PTPRN2: variants seen among roughly 807,000 people sequenced by gnomAD.
PTPRN2 encodes receptor-type tyrosine-protein phosphatase N2.
Under a neutral mutation model 118.8 loss-of-function variants are expected in PTPRN2, and 74 were observed. The observed-to-expected ratio is 0.62, with a 90% CI of 0.52 to 0.76. The LOEUF (loss-of-function observed/expected upper bound fraction) is 0.76, where lower values mean the gene tolerates loss of function less well. Among genes scored for constraint, PTPRN2 ranks in the 30% least tolerant of loss-of-function variants. PTPRN2 has a pLI of 0.00. For synonymous variants in PTPRN2, 641 were observed against 608.0 expected (o/e 1.05, Z -0.80); for missense variants, 1,481 against 1,394.4 (o/e 1.06, Z -0.99).
At chr7:157,960,298 T>C (rs1348785287) in intron 11 of PTPRN2, among the ~76,000 whole-genome samples, 1 of 152,210 alleles carries the variant, frequency 6.6e-6, no homozygotes, top group East Asian at 1.9e-4. Flanking sequence ...TGCCACTGAA[T>C]TGTACAGGTG....
intron 12 of PTPRN2, among the ~76,000 whole-genome samples, chr7:157,809,411 A>AC (rs1448741903): frequency 6.6e-6 from 1 of 152,110 alleles, no homozygotes; most frequent in African/African-American, 2.4e-5. Context: ...GCCCCGCGCC[A>AC]CCCCCGCCGT....
intron 1 of PTPRN2, among the ~76,000 whole-genome samples, chr7:158,578,641 C>A (rs1169822926): frequency 6.6e-6 from 1 of 151,958 alleles, no homozygotes; most frequent in African/African-American, 2.4e-5. Flanking sequence ...GATCCTGTCA[C>A]CCAAACGAGG....
At position 157,723,265 on chromosome 7, in the gene PTPRN2, C is replaced by T. The variant is rs562728931; in HGVS notation, c.1789-40328G>A. On this transcript the variant is annotated intron_variant, in intron 12 of 22. Coordinates refer to ENST00000389418, the MANE Select transcript of PTPRN2 (RefSeq NM_002847.5). ...CCTGGCCTCTGCCCCCACACTCTGG[C>T]ACCAGAATGTCCACGGGGACAGCTC... 5.3e-5 allele frequency among the ~76,000 whole-genome samples: 8 copies of T among 152,306 alleles called. No homozygotes were observed. The East Asian group carries it at 1.5e-3, about 29-fold the overall frequency.
At position 158,587,684 on chromosome 7, in the gene PTPRN2, C is replaced by T. The variant is rs1829063149; in HGVS notation, c.-15G>A. The T allele has an allele frequency of 7.6e-7, 1 of 1,310,488 alleles. No individual in the cohort carries two copies. Among genetic ancestry groups the T allele is most frequent in the Middle Eastern group, 3.0e-4 (1 of 3,354 alleles). The allele number at this position is 1,310,488 out of a possible 1,614,324, so 81.2% of individuals were successfully genotyped here. On this transcript the variant is annotated 5_prime_UTR_variant, in exon 1 of 23. Transcript: ENST00000389418. ...GGCGGCCCCATCCCCGCGGCCTGGCCGGCGGCGCTCAGTCCATGGCCGCGC... is the reference window on the plus strand; with the variant it reads ...GGCGGCCCCATCCCCGCGGCCTGGCTGGCGGCGCTCAGTCCATGGCCGCGC...
intron 1 of PTPRN2, among the ~76,000 whole-genome samples, chr7:158,536,159 T>C (rs1176027344): frequency 2.0e-5 from 3 of 151,818 alleles, no homozygotes; most frequent in Admixed American, 1.3e-4. Flanking sequence ...ATATAAAACA[T>C]GAAAACTAAA....
At chr7:157,580,908 C>T (rs1363050852) in intron 17 of PTPRN2, among the ~76,000 whole-genome samples, 4 of 131,996 alleles carry the variant, frequency 3.0e-5, no homozygotes, top group Non-Finnish European at 6.4e-5. Context: ...ACCTCCACAC[C>T]GTGGCACCTG....
At chr7:158,324,355 A>T (rs4909177) in intron 2 of PTPRN2, among the ~76,000 whole-genome samples, 61,246 of 152,002 alleles carry the variant, frequency 0.4, 12,522 homozygotes, top group Middle Eastern at 0.47. Flanking sequence ...GTATTTTCCC[A>T]TTTGTCTAAA....
rs1798521199 is a variant in PTPRN2, at chr7:157,550,123, GCACACCACATTCCT to G, written c.2903-1118_2903-1105del. ...CTTTCTCTCCGGCCGCAACCTGAGTGCACACCACATTCCTCGCCCAGCGAATCAGGAGAGAAGCT... is the reference window on the plus strand; with the variant it reads ...CTTTCTCTCCGGCCGCAACCTGAGTGCGCCCAGCGAATCAGGAGAGAAGCT... On this transcript the variant is annotated intron_variant, in intron 21 of 22. Transcript: ENST00000389418. This position sits in a 1 kb window ranked among gnomAD's most constrained non-coding sequence, Gnocchi z 5.2. 6.6e-6 allele frequency among the ~76,000 whole-genome samples: 1 copy of G among 152,226 alleles called. No individual in the cohort carries two copies. Among genetic ancestry groups the G allele is most frequent in the African/African-American group, 2.4e-5 (1 of 41,456 alleles).
At chr7:157,545,015 G>T (rs1329050337) in intron 22 of PTPRN2, among the ~76,000 whole-genome samples, 1 of 150,786 alleles carries the variant, frequency 6.6e-6, no homozygotes, top group African/African-American at 2.4e-5. Flanking sequence ...ATGACTGTGT[G>T]TGGGTGTGCA....
At position 158,320,111 on chromosome 7, in the gene PTPRN2, ACACACACACAGCCTCCCT is replaced by A. The variant is rs1245056384; in HGVS notation, c.164-3197_164-3180del. Among the ~76,000 whole-genome samples, 654 of 77,568 alleles carry A rather than the reference ACACACACACAGCCTCCCT, an allele frequency of 8.4e-3. 34 individuals are homozygous for A. Among genetic ancestry groups the A allele is most frequent in the African/African-American group, 0.028 (565 of 20,020 alleles). 50.9% of individuals were successfully genotyped at this position (77,568 alleles called of 152,430 possible). On this transcript the variant is annotated intron_variant, in intron 2 of 22. Coordinates refer to ENST00000389418, the MANE Select transcript of PTPRN2 (RefSeq NM_002847.5). Reference sequence around the variant, plus strand: ...CACACACTCACATAGTCTCCCTCACACACACACACAGCCTCCCTCACACACACAGCCTCCCTTGTACAC... The same window carrying A: ...CACACACTCACATAGTCTCCCTCACACACACACACAGCCTCCCTTGTACAC...
chr7:157,586,679 A>C (rs895548144), intron 17 of PTPRN2, among the ~76,000 whole-genome samples: 1 of 145,400 alleles, frequency 6.9e-6, no homozygotes, highest in African/African-American at 2.6e-5. Flanking sequence ...GCCCCCTGCT[A>C]CTGGACACTG....
intron 9 of PTPRN2, among the ~76,000 whole-genome samples, chr7:158,117,118 G>T (rs939636748): frequency 6.6e-6 from 1 of 152,024 alleles, no homozygotes; most frequent in Non-Finnish European, 1.5e-5. Context: ...AGATGTACTA[G>T]GCAAAGACTT....
chr7:158,188,084 C>G (rs969298884), intron 5 of PTPRN2, among the ~76,000 whole-genome samples: 1 of 151,936 alleles, frequency 6.6e-6, no homozygotes, highest in Admixed American at 6.6e-5. Flanking sequence ...GAGATGAACC[C>G]CCAGTGGCCC....
chr7:158,289,880 T>C (rs1799998943), intron 3 of PTPRN2, among the ~76,000 whole-genome samples: 1 of 152,306 alleles, frequency 6.6e-6, no homozygotes, highest in Non-Finnish European at 1.5e-5. Context: ...GCATGCTCCA[T>C]AGGTAGGCTT....
rs36165367 is a variant in PTPRN2, at chr7:158,151,300, C to G, written c.911-12785G>C. Among the ~76,000 whole-genome samples the G allele has an allele frequency of 8.2e-5, 5 of 60,990 alleles. 2 individuals are homozygous for G. The East Asian group carries it at 1.4e-3, about 17-fold the overall frequency. The allele number at this position is 60,990 out of a possible 152,430, so 40.0% of individuals were successfully genotyped here. On this transcript the variant is annotated intron_variant, in intron 6 of 22. Transcript: ENST00000389418. ...CGCCCGCCTTTCTGCTCCTGCCTCT[C>G]CCTGCCCACACCGCCCACCTTCTAT... is the stretch of plus-strand genomic sequence containing the variant.
At chr7:158,373,411 C>T (rs1019770762) in intron 2 of PTPRN2, among the ~76,000 whole-genome samples, 2 of 152,166 alleles carry the variant, frequency 1.3e-5, no homozygotes, top group Non-Finnish European at 2.9e-5. Context: ...TTCTTAAGCA[C>T]GTTTATCTTC....
At chr7:157,866,482 T>TAC (rs1043978860) in intron 12 of PTPRN2, among the ~76,000 whole-genome samples, 45 of 151,296 alleles carry the variant, frequency 3.0e-4, no homozygotes, top group African/African-American at 7.7e-4. Flanking sequence ...ATCCCTCGTG[T>TAC]ACACACACAC....
chr7:157,757,462 C>G (rs1032610189), intron 12 of PTPRN2, among the ~76,000 whole-genome samples: 1 of 152,118 alleles, frequency 6.6e-6, no homozygotes, highest in Non-Finnish European at 1.5e-5. Context: ...CAAGGAGGAC[C>G]CCGGCAGGCG....
chr7:158,361,525 CA>C (rs1808960701), intron 2 of PTPRN2, among the ~76,000 whole-genome samples: 1 of 152,230 alleles, frequency 6.6e-6, no homozygotes, highest in South Asian at 2.1e-4. Flanking sequence ...CAGAAATCCC[CA>C]CTGCCCAGTT....
Sources: allele counts gnomAD v4.1 joint callset (sites outside exome capture counted in the v4.1 genomes callset), GRCh38; gene constraint gnomAD v4.1.1; non-coding constraint Gnocchi (gnomAD v3.1); transcripts MANE v1.5; gene names NCBI Gene and HGNC (gene_info 2026-07-23, HGNC 2026-07-21).